Variants in TBL1XR1 observed in about 807,000 individuals in gnomAD.
TBL1XR1 encodes the protein TBL1X/Y related 1.
TBL1XR1 carries 5 observed loss-of-function variants against 66.9 expected under a neutral mutation model. The observed-to-expected ratio is 0.07, with a 90% CI of 0.04 to 0.16. The LOEUF (loss-of-function observed/expected upper bound fraction) is 0.16. TBL1XR1 is among the 10% of genes least tolerant of loss of function. The pLI is 1.00. For synonymous variants in TBL1XR1, 210 were observed against 206.0 expected, an observed-to-expected ratio of 1.02 and a Z score of -0.17; for missense variants, 238 against 623.2, an observed-to-expected ratio of 0.38 and a Z score of 6.58.
At chr3:177,168,302 A>G (rs1266800559) in intron 1 of TBL1XR1, among the ~76,000 whole-genome samples, 2 of 148,338 alleles carry the variant, frequency 1.3e-5, no homozygotes, top group African/African-American at 5.0e-5. Flanking sequence ...TTTTTTTGAG[A>G]CGAAGTTTCA....
chr3:177,124,785 G>T (rs923432575), intron 1 of TBL1XR1, among the ~76,000 whole-genome samples: 1 of 152,122 alleles, frequency 6.6e-6, no homozygotes, highest in Non-Finnish European at 1.5e-5. Context: ...TCAACTGCTA[G>T]TAAGATCTAG....
intron 1 of TBL1XR1, among the ~76,000 whole-genome samples, chr3:177,194,761 T>C (rs1284723640): frequency 6.6e-6 from 1 of 152,206 alleles, no homozygotes; most frequent in Non-Finnish European, 1.5e-5. Flanking sequence ...TTCGGGAGAC[T>C]GGTGTCATGG....
At chr3:177,196,568 C>G (rs1361722537) in intron 1 of TBL1XR1, 2 of 148,280 alleles carry the variant, frequency 1.3e-5, no homozygotes, top group Non-Finnish European at 3.0e-5. Flanking sequence ...TCGCCGCGCC[C>G]GGGCCGGGGA....
chr3:177,155,676 A>G (rs1427152581), intron 1 of TBL1XR1, among the ~76,000 whole-genome samples: 3 of 151,314 alleles, frequency 2.0e-5, no homozygotes, highest in Non-Finnish European at 4.4e-5. Flanking sequence ...AGTCACATAG[A>G]AAAAAAAATG....
intron 9 of TBL1XR1, among the ~76,000 whole-genome samples, chr3:177,046,397 G>C (rs893109523): frequency 3.9e-5 from 6 of 152,002 alleles, no homozygotes; most frequent in Non-Finnish European, 8.8e-5. Context: ...ATTTTGCATT[G>C]GTCAACTTAC....
chr3:177,069,856 A>AAGGAAGGAAGGAAG (rs1486024858), intron 2 of TBL1XR1, among the ~76,000 whole-genome samples: 1 of 115,178 alleles, frequency 8.7e-6, no homozygotes, highest in African/African-American at 3.4e-5. Context: ...AAGGAAGGAA[A>AAGGAAGGAAGGAAG]AACAACACAC....
At chr3:177,096,911 C>G (rs1015696637) in intron 2 of TBL1XR1, among the ~76,000 whole-genome samples, 1 of 151,658 alleles carries the variant, frequency 6.6e-6, no homozygotes. Flanking sequence ...CCTATCAACC[C>G]GAGAGAGAAA....
intron 2 of TBL1XR1, among the ~76,000 whole-genome samples, chr3:177,073,063 T>C (rs1720250312): frequency 6.6e-6 from 1 of 151,774 alleles, no homozygotes; most frequent in African/African-American, 2.4e-5. Context: ...GAGTTTGATT[T>C]CAAAAAAAGA....
At chr3:177,069,980 T>TA (rs746348535) in intron 2 of TBL1XR1, among the ~76,000 whole-genome samples, 19 of 152,252 alleles carry the variant, frequency 1.2e-4, no homozygotes, top group Non-Finnish European at 2.5e-4. Context: ...ACCTGTCACC[T>TA]ATATTTGTAT....
intron 1 of TBL1XR1, among the ~76,000 whole-genome samples, chr3:177,156,450 G>A (rs1222680447): frequency 6.8e-6 from 1 of 147,386 alleles, no homozygotes; most frequent in Non-Finnish European, 1.5e-5. Context: ...AGTGAGCCAA[G>A]AACACGCCAT....
chr3:177,077,304 A>C (rs906815367), intron 2 of TBL1XR1, among the ~76,000 whole-genome samples: 3 of 152,208 alleles, frequency 2.0e-5, no homozygotes, highest in Non-Finnish European at 4.4e-5. Context: ...CTTTTTATAA[A>C]TATAGAGCAG....
chr3:177,079,114 T>C (rs1721071739), intron 2 of TBL1XR1, among the ~76,000 whole-genome samples: 1 of 151,438 alleles, frequency 6.6e-6, no homozygotes, highest in Admixed American at 6.6e-5. Flanking sequence ...TGGCTGATTA[T>C]TTCTTGGGAT....
intron 1 of TBL1XR1, among the ~76,000 whole-genome samples, chr3:177,145,083 C>G (rs1730088416): frequency 1.3e-5 from 2 of 152,074 alleles, no homozygotes; most frequent in Admixed American, 1.3e-4. Flanking sequence ...TCAAGTGGTA[C>G]CAGGCAAGCT....
intron 1 of TBL1XR1, among the ~76,000 whole-genome samples, chr3:177,174,108 T>C (rs1238456878): frequency 2.0e-5 from 3 of 152,106 alleles, no homozygotes; most frequent in Admixed American, 1.3e-4. Flanking sequence ...TATTTATCCC[T>C]TGGTTAAGGT....
intron 14 of TBL1XR1, 189 bp from the exon 15 acceptor site, chr3:177,026,663 G>A (rs1304477182): frequency 4.2e-5 from 21 of 497,346 alleles, no homozygotes; most frequent in Non-Finnish European, 5.9e-5. Context: ...ATACCAGCCT[G>A]TTCTCAAAAG....
At chr3:177,115,479 A>T (rs1726197010) in intron 1 of TBL1XR1, among the ~76,000 whole-genome samples, 1 of 152,134 alleles carries the variant, frequency 6.6e-6, no homozygotes, top group Non-Finnish European at 1.5e-5. Flanking sequence ...TTCACTACCC[A>T]ACCCAAAAGC....
At chr3:177,062,492 A>C (rs1718643106) in intron 3 of TBL1XR1, among the ~76,000 whole-genome samples, 2 of 152,236 alleles carry the variant, frequency 1.3e-5, no homozygotes. Context: ...GCAGTTCTTA[A>C]ATTTATGGCA....
intron 1 of TBL1XR1, among the ~76,000 whole-genome samples, chr3:177,178,857 C>T (rs1293029921): frequency 3.3e-5 from 5 of 152,196 alleles, no homozygotes; most frequent in South Asian, 2.1e-4. Context: ...GTGGTTCACG[C>T]CTGTAACCCC....
chr3:177,099,068 T>A (rs1723857292), intron 1 of TBL1XR1, among the ~76,000 whole-genome samples: 2 of 152,112 alleles, frequency 1.3e-5, no homozygotes, highest in African/African-American at 4.8e-5. Flanking sequence ...TGTGTAAATA[T>A]AAAAGTTAAA....
Sources: allele counts gnomAD v4.1 joint callset (sites outside exome capture counted in the v4.1 genomes callset), GRCh38; gene constraint gnomAD v4.1.1; transcripts MANE v1.5; gene names NCBI Gene and HGNC (gene_info 2026-07-23, HGNC 2026-07-21).